The following LEPR variants were observed in gnomAD, a reference collection of about 807,000 sequenced individuals.
The protein encoded by LEPR is leptin receptor.
In LEPR, 56 loss-of-function variants were observed where a neutral mutation model predicts 114.7. The ratio of observed to expected loss-of-function variants is 0.49; its 90% CI spans 0.39 to 0.61. The LOEUF (loss-of-function observed/expected upper bound fraction) is 0.61. Ranked by LOEUF, LEPR falls within the 20% of genes least tolerant of loss-of-function variation. LEPR has a pLI of 0.00. For synonymous variants in LEPR, 443 were observed against 461.4 expected, an observed-to-expected ratio of 0.96 and a Z score of 0.51; for missense variants, 1,202 against 1,352.9, an observed-to-expected ratio of 0.89 and a Z score of 1.75.
At chr1:65,556,071 C>G (rs1652795381) in intron 2 of LEPR, among the ~76,000 whole-genome samples, 1 of 152,058 alleles carries the variant, frequency 6.6e-6, no homozygotes, top group South Asian at 2.1e-4. Flanking sequence ...GTTATTAGGT[C>G]ATGAGGGTGG....
At chr1:65,611,779 A>G (rs934832780) in intron 14 of LEPR, among the ~76,000 whole-genome samples, 1 of 152,224 alleles carries the variant, frequency 6.6e-6, no homozygotes, top group Non-Finnish European at 1.5e-5. Context: ...CCAATATGGT[A>G]GCAACCAGCC....
chr1:65,610,889 A>C (rs991395726), intron 14 of LEPR, among the ~76,000 whole-genome samples: 1 of 152,242 alleles, frequency 6.6e-6, no homozygotes, highest in African/African-American at 2.4e-5. Context: ...ATGAAGTCAA[A>C]GAGTATTTCT....
chr1:65,577,646 A>T, intron 5 of LEPR: 1 of 190,582 alleles, frequency 5.2e-6, no homozygotes, highest in Non-Finnish European at 1.1e-5. Flanking sequence ...CCTAGTTCAG[A>T]AGACAATTTC....
rs775256421 is a variant in LEPR at position 65,601,615 on chromosome 1, C to T, written c.1218C>T (p.Thr406=). The part of the protein sequence containing the change: ...LNETKPRGKF[T]YDAVYCCNEH... ...AAACCAAACCTCGAGGAAAGTTTAC[C>T]TATGATGCAGTGTACTGCTGCAATG... is the stretch of plus-strand genomic sequence containing the variant. Residue 406 remains threonine, a synonymous_variant, in exon 9 of 20, where the codon ACC becomes ACT. Transcript: ENST00000349533. The T allele has an allele frequency of 2.5e-6, 4 of 1,613,622 alleles. No homozygotes were observed. The South Asian group carries it at 4.4e-5, about 18-fold the overall frequency.
intron 2 of LEPR, among the ~76,000 whole-genome samples, chr1:65,461,692 G>A (rs893111472): frequency 1.3e-5 from 2 of 152,226 alleles, no homozygotes; most frequent in African/African-American, 4.8e-5. Flanking sequence ...CCACATTCAA[G>A]TGTGGGTTGC....
chr1:65,525,670 C>T (rs2100594512), intron 2 of LEPR: 1 of 985,746 alleles, frequency 1.0e-6, no homozygotes, highest in Non-Finnish European at 1.2e-6. Flanking sequence ...CCCTCCTCCT[C>T]TCCTGAGAGT....
chr1:65,570,486 G>A lies in LEPR; in HGVS notation c.54G>A (p.Val18=), dbSNP rs755482802. The A allele has an allele frequency of 6.2e-7, 1 of 1,613,406 alleles. No homozygotes were observed. The highest frequency in any genetic ancestry group is 8.5e-7 in the Non-Finnish European group (1 of 1,179,826). The change falls in exon 4 of 20, where the codon GTG becomes GTA. Residue 18 remains valine (V), a synonymous_variant. Coordinates refer to ENST00000349533, the MANE Select transcript of LEPR (RefSeq NM_002303.6). ...ATATCCTAACAGAATTTATTTATGT[G>A]ATAACTGCGTTTAACTTGTCATATC... The part of the protein sequence containing the change: ...VVLLHWEFIY[V]ITAFNLSYPI...
At chr1:65,581,323 C>T (rs1032416670) in intron 5 of LEPR, among the ~76,000 whole-genome samples, 2 of 152,096 alleles carry the variant, frequency 1.3e-5, no homozygotes, top group African/African-American at 4.8e-5. Context: ...TTCTTGGCTC[C>T]CCCTTCTGGG....
intron 11 of LEPR, among the ~76,000 whole-genome samples, chr1:65,607,198 C>T (rs1057440429): frequency 2.0e-5 from 3 of 152,238 alleles, no homozygotes; most frequent in African/African-American, 7.2e-5. Context: ...ATTTAGGTTT[C>T]TTTTTGTTGG....
At chr1:65,565,771 T>G (rs1653693713) in intron 3 of LEPR, among the ~76,000 whole-genome samples, 166 bp downstream of exon 3, 1 of 152,132 alleles carries the variant, frequency 6.6e-6, no homozygotes, top group African/African-American at 2.4e-5. Flanking sequence ...GGTGTATCAG[T>G]GTGAAAACGA....
Position 65,581,675 on chromosome 1 carries a change from C to T in LEPR, c.494+9226C>T, listed in dbSNP as rs533827282. Among the ~76,000 whole-genome samples the T allele has an allele frequency of 6.6e-5, 10 of 152,256 alleles. No individual in the cohort carries two copies. In the South Asian group the frequency reaches 1.9e-3, roughly 28 times the overall value. ...CATTTCTTAATTTTAACAGTGTTTGCTATCTGGAGAGGCTAGACACTTCAA... is the reference window on the plus strand; with the variant it reads ...CATTTCTTAATTTTAACAGTGTTTGTTATCTGGAGAGGCTAGACACTTCAA... On this transcript the variant is annotated intron_variant, in intron 5 of 19. Coordinates refer to ENST00000349533, the MANE Select transcript of LEPR (RefSeq NM_002303.6).
In LEPR at chr1:65,601,516, T is replaced by C. The variant is rs758305626; in HGVS notation, c.1119T>C (p.Ala373=). ...SKEIVWWMNL[A]EKIPQSQYDV... is the part of the protein sequence containing the mutation. ...AGATTGTTTGGTGGATGAATTTAGC[T>C]GAGAAAATTCCTCAAAGCCAGTATG... Residue 373 remains alanine, a synonymous_variant, in exon 9 of 20, where the codon GCT becomes GCC. Transcript: ENST00000349533. 1.2e-6 allele frequency: 2 copies of C among 1,613,778 alleles called. No individual in the cohort carries two copies. The highest frequency in any genetic ancestry group is 1.7e-6 in the Non-Finnish European group (2 of 1,179,740).
At chr1:65,488,468 A>T (rs1310873977) in intron 2 of LEPR, among the ~76,000 whole-genome samples, 1 of 150,554 alleles carries the variant, frequency 6.6e-6, no homozygotes, top group Non-Finnish European at 1.5e-5. Context: ...AGTAGCTGGG[A>T]CTACAGGTGC....
rs1657069190 is a variant in LEPR, at chr1:65,610,072, C to A, written c.1878C>A (p.Ser626Arg). The A allele has an allele frequency of 7.4e-6, 12 of 1,614,192 alleles. No homozygotes were observed. The highest frequency in any genetic ancestry group is 9.3e-6 in the Non-Finnish European group (11 of 1,180,030). The change falls in exon 13 of 20, where the codon AGC becomes AGA. Residue 626 changes from serine to arginine, a missense_variant. By Grantham distance (110) the Ser-to-Arg change is moderately radical. Transcript: ENST00000349533. ...GACTGGGATATTGGAGTAATTGGAG[C>A]AATCCAGCCTACACAGTTGTCATGG... ...LDGLGYWSNW[S>R]NPAYTVVMDI...
intron 2 of LEPR, among the ~76,000 whole-genome samples, chr1:65,527,624 A>G (rs958406407): frequency 6.6e-6 from 1 of 152,220 alleles, no homozygotes; most frequent in Admixed American, 6.5e-5. Flanking sequence ...GATTCAAAAT[A>G]ATAAAACAAT....
At position 65,608,794 on chromosome 1, in the gene LEPR, A is replaced by G. The variant is rs1211069377; in HGVS notation, c.1645A>G (p.Ile549Val). The change falls in exon 12 of 20, where the codon ATA (isoleucine) becomes GTA (valine). Residue 549 changes from isoleucine to valine, a missense_variant. Ile to Val is a conservative substitution (Grantham distance 29). Transcript: ENST00000349533. ...ATCCAGTGTGAAAGCAGAAATTACTATAAACATTGGATTATTGAAAATATC... is the reference window on the plus strand; with the variant it reads ...ATCCAGTGTGAAAGCAGAAATTACTGTAAACATTGGATTATTGAAAATATC... ...PPSSVKAEIT[I>V]NIGLLKISWE... 3.3e-5 allele frequency: 53 copies of G among 1,613,688 alleles called. No individual in the cohort carries two copies. The highest frequency in any genetic ancestry group is 4.3e-5 in the Non-Finnish European group (51 of 1,179,862).
At chr1:65,554,890 A>G (rs1157457932) in intron 2 of LEPR, among the ~76,000 whole-genome samples, 1 of 152,106 alleles carries the variant, frequency 6.6e-6, no homozygotes, top group Non-Finnish European at 1.5e-5. Flanking sequence ...AGGCCATGGG[A>G]AAAGCATAAT....
chr1:65,448,001 T>C lies in LEPR; in HGVS notation c.-21+22623T>C, dbSNP rs368451366. On this transcript the variant is annotated intron_variant, in intron 2 of 19. Coordinates refer to ENST00000349533, the MANE Select transcript of LEPR (RefSeq NM_002303.6). ...GTAATATATATTCCTTCCAGATCCA[T>C]GTACCTTTCATTTCATGTTCTTATC... Among the ~76,000 whole-genome samples the C allele has an allele frequency of 1.4e-4, 22 of 152,364 alleles. No individual in the cohort carries two copies. In the South Asian group the frequency reaches 4.3e-3, roughly 30 times the overall value.
At chr1:65,634,656 C>T in intron 19 of LEPR, 4 of 977,822 alleles carry the variant, frequency 4.1e-6, no homozygotes, top group Non-Finnish European at 4.9e-6. Flanking sequence ...ATATATCAAA[C>T]ACATCATTTG....
Sources: gnomAD v4.1 joint callset for allele counts (sites outside exome capture counted in the v4.1 genomes callset) on GRCh38, gnomAD v4.1.1 for gene constraint, MANE v1.5 for transcripts, NCBI Gene and HGNC (gene_info 2026-07-23, HGNC 2026-07-21) for gene names.